MIR17HG: variants seen among roughly 807,000 people sequenced by gnomAD.
MIR17HG encodes the protein miR-17-92a-1 cluster host gene.
At chr13:91,352,077 T>G (rs1269439311) in intron 3 of MIR17HG, 4 of 152,282 alleles carry the variant, frequency 2.6e-5, no homozygotes, top group African/African-American at 9.6e-5. Flanking sequence ...TGTACACTCT[T>G]CCCAAATGCC....
intron 1 of MIR17HG, among the ~76,000 whole-genome samples, chr13:91,349,413 G>A (rs1875170164): frequency 6.6e-6 from 1 of 152,068 alleles, no homozygotes; most frequent in South Asian, 2.1e-4. Flanking sequence ...GAGCTGTACA[G>A]TGGAGTCGGT....
chr13:91,353,202 A>G (rs1036293192), intron 3 of MIR17HG, among the ~76,000 whole-genome samples: 4 of 151,570 alleles, frequency 2.6e-5, no homozygotes, highest in Non-Finnish European at 4.4e-5. Context: ...TACACTAGCA[A>G]TTTTTTTAAA....
chr13:91,352,138 G>C (rs1455543970), intron 3 of MIR17HG: 1 of 152,224 alleles, frequency 6.6e-6, no homozygotes, highest in African/African-American at 2.4e-5. Flanking sequence ...TTCTAAGTCT[G>C]TAGTTAACAT....
chr13:91,348,795 C>T (rs554953673), intron 1 of MIR17HG, among the ~76,000 whole-genome samples: 3 of 150,226 alleles, frequency 2.0e-5, no homozygotes, highest in African/African-American at 7.3e-5. Flanking sequence ...GCGGGGCGGG[C>T]TGCACGGGGG....
intron 3 of MIR17HG, among the ~76,000 whole-genome samples, chr13:91,353,732 A>T (rs1421233726): frequency 2.6e-5 from 4 of 151,282 alleles, no homozygotes; most frequent in Non-Finnish European, 5.9e-5. Flanking sequence ...ATGTTGCTTT[A>T]GGTTTAATAA....
At chr13:91,349,076 TGGC>T (rs1490920207) in intron 1 of MIR17HG, among the ~76,000 whole-genome samples, 1 of 151,770 alleles carries the variant, frequency 6.6e-6, no homozygotes, top group Admixed American at 6.6e-5. Context: ...CGCCGCCCCC[TGGC>T]GGCTACGCGG....
intron 3 of MIR17HG, among the ~76,000 whole-genome samples, chr13:91,353,370 G>A (rs1461217859): frequency 6.6e-6 from 1 of 152,174 alleles, no homozygotes; most frequent in East Asian, 1.9e-4. Context: ...CTTGAACTGA[G>A]ATTTAAATCT....
At position 91,347,905 on chromosome 13, in the gene MIR17HG, C is replaced by T. The variant is rs1409809635; in HGVS notation, n.86C>T. On this transcript the variant is annotated non_coding_transcript_exon_variant, in exon 1 of 4. Transcript: ENST00000400282. Reference sequence around the variant, plus strand: ...AGTAAAGCGCAGGCGGGCGGGGAGGCGGGAGCAGGAGCCCGCGGCCGGCCA... The same window carrying T: ...AGTAAAGCGCAGGCGGGCGGGGAGGTGGGAGCAGGAGCCCGCGGCCGGCCA... 1.3e-4 allele frequency: 19 copies of T among 151,412 alleles called. No homozygotes were observed. In the East Asian group the frequency reaches 2.6e-3, roughly 20 times the overall value. The allele number at this position is 151,412 out of a possible 1,614,324, so 9.4% of individuals were successfully genotyped here.
intron 1 of MIR17HG, among the ~76,000 whole-genome samples, chr13:91,349,114 T>G (rs755523913): frequency 6.6e-5 from 10 of 151,868 alleles, no homozygotes; most frequent in Non-Finnish European, 5.9e-5. Flanking sequence ...GCGCTCCCCC[T>G]TGTGCGACAT....
At chr13:91,349,522 CTG>C (rs1023130938) in intron 1 of MIR17HG, among the ~76,000 whole-genome samples, 5 of 152,122 alleles carry the variant, frequency 3.3e-5, no homozygotes, top group Admixed American at 6.5e-5. Context: ...TATTTTTCAA[CTG>C]TAAATTATTG....
At chr13:91,354,301 A>AC (rs1260875881) in exon 4 of MIR17HG, 2 of 152,192 alleles carry the variant, frequency 1.3e-5, no homozygotes, top group African/African-American at 4.8e-5. Flanking sequence ...TGCCTTGATA[A>AC]CATTTCATAT....
At chr13:91,348,989 G>C (rs1238178672) in intron 1 of MIR17HG, among the ~76,000 whole-genome samples, 2 of 148,816 alleles carry the variant, frequency 1.3e-5, no homozygotes, top group Non-Finnish European at 3.0e-5. Flanking sequence ...GGGCCTCGGC[G>C]CCGCCGGTCG....
At chr13:91,349,081 G>C (rs1875138162) in intron 1 of MIR17HG, among the ~76,000 whole-genome samples, 1 of 151,918 alleles carries the variant, frequency 6.6e-6, no homozygotes, top group South Asian at 2.1e-4. Flanking sequence ...CCCCCTGGCG[G>C]CTACGCGGAG....
At chr13:91,347,697 A>T (rs1430404140), upstream of MIR17HG, 6 of 152,496 alleles carry the variant, frequency 3.9e-5, no homozygotes, top group Non-Finnish European at 8.7e-5. Context: ...ATTCACCCAC[A>T]TGGTCCTTCG....
At chr13:91,348,290 C>T (rs976684037) in intron 1 of MIR17HG, among the ~76,000 whole-genome samples, 4 of 150,566 alleles carry the variant, frequency 2.7e-5, no homozygotes, top group Middle Eastern at 3.4e-3. Flanking sequence ...CACAATGGCC[C>T]CTCGGGGAGA....
chr13:91,352,143 T>TAA (rs917727293), intron 3 of MIR17HG: 9 of 152,240 alleles, frequency 5.9e-5, no homozygotes, highest in African/African-American at 1.9e-4. Context: ...AGTCTGTAGT[T>TAA]AACATTTATG....
intron 3 of MIR17HG, among the ~76,000 whole-genome samples, chr13:91,353,194 C>A (rs1485671728): frequency 7.0e-6 from 1 of 142,060 alleles, no homozygotes; most frequent in African/African-American, 2.6e-5. Flanking sequence ...TGGGGAGATA[C>A]ACTAGCAATT....
At chr13:91,352,467 A>C (rs1297033045) in intron 3 of MIR17HG, 1 of 152,228 alleles carries the variant, frequency 6.6e-6, no homozygotes, top group South Asian at 2.1e-4. Flanking sequence ...AAAAGAGGCT[A>C]TCTTAGTAAT....
chr13:91,348,570 GGCCTGGGCGCCACCCCCGCTCC>G (rs1875089568), intron 1 of MIR17HG, among the ~76,000 whole-genome samples: 1 of 151,184 alleles, frequency 6.6e-6, no homozygotes, highest in Non-Finnish European at 1.5e-5. Context: ...AGATCGGCGC[GGCCTGGGCGCCACCCCCGCTCC>G]GCGTGGGCTT....
Sources: gnomAD v4.1 joint callset for allele counts (sites outside exome capture counted in the v4.1 genomes callset) on GRCh38, gnomAD v4.1.1 for gene constraint, MANE v1.5 for transcripts, NCBI Gene and HGNC (gene_info 2026-07-23, HGNC 2026-07-21) for gene names.